Variants in FAM149B1 observed in about 807,000 individuals in gnomAD.
The protein encoded by FAM149B1 is family with sequence similarity 149 member B1.
FAM149B1 carries 56 observed loss-of-function variants against 75.3 expected under a neutral mutation model. The ratio of observed to expected loss-of-function variants is 0.74; its 90% CI spans 0.60 to 0.93. The LOEUF is 0.93. Ranked by LOEUF, FAM149B1 falls within the 40% of genes least tolerant of loss-of-function variation. FAM149B1 has a pLI of 0.00. For synonymous variants in FAM149B1, 259 were observed against 256.1 expected (o/e 1.01, Z -0.11); for missense variants, 639 against 708.4 (o/e 0.90, Z 1.11).
In FAM149B1 at chr10:73,168,318, G is replaced by A. The variant is rs955486699; in HGVS notation, c.-22G>A. 2.6e-6 allele frequency: 4 copies of A among 1,546,976 alleles called. No individual in the cohort carries two copies. The African/African-American group carries it at 4.1e-5, about 16-fold the overall frequency. ...TGCCCCGGCCGCGGCTGAGGAGGAG[G>A]AGGAGGAGGAGGAGGAGGAGGATGA... On this transcript the variant is annotated 5_prime_UTR_variant, in exon 1 of 14. Coordinates refer to ENST00000242505, the MANE Select transcript of FAM149B1 (RefSeq NM_173348.2).
At chr10:73,168,643 C>A (rs964040247) in intron 1 of FAM149B1, among the ~76,000 whole-genome samples, 1 of 152,222 alleles carries the variant, frequency 6.6e-6, no homozygotes, top group Admixed American at 6.5e-5. Context: ...TGCTTCAGGT[C>A]CCATTGTTAA....
At chr10:73,235,909 A>T (rs953717595) in intron 12 of FAM149B1, among the ~76,000 whole-genome samples, 1 of 152,158 alleles carries the variant, frequency 6.6e-6, no homozygotes, top group Admixed American at 6.5e-5. Context: ...AGCCCTTTTA[A>T]GTAATAGAAA....
chr10:73,185,785 A>C (rs2042507964), intron 3 of FAM149B1, among the ~76,000 whole-genome samples: 2 of 152,208 alleles, frequency 1.3e-5, no homozygotes, highest in Non-Finnish European at 2.9e-5. Context: ...AAAGAAAAGA[A>C]AAAAATTAGA....
chr10:73,169,287 C>T (rs1176537535), intron 1 of FAM149B1, among the ~76,000 whole-genome samples: 1 of 151,890 alleles, frequency 6.6e-6, no homozygotes, highest in South Asian at 2.1e-4. Context: ...GTCACGCCAT[C>T]GCACTCCAGT....
chr10:73,186,683 T>C (rs957631167), intron 3 of FAM149B1, among the ~76,000 whole-genome samples: 6 of 152,230 alleles, frequency 3.9e-5, no homozygotes, highest in African/African-American at 1.4e-4. Flanking sequence ...TTTCATACAA[T>C]GCGATTATTA....
rs11334763 is a variant in FAM149B1 at position 73,172,940 on chromosome 10, C to CA, written c.48-1733dup. Among the ~76,000 whole-genome samples the CA allele has an allele frequency of 2.7e-3, 319 of 117,478 alleles. 1 individual carries two copies. The highest frequency in any genetic ancestry group is 4.6e-3 in the Middle Eastern group (1 of 218). 77.1% of individuals were successfully genotyped at this position (117,478 alleles called of 152,430 possible). A position where few individuals can be genotyped will look rare whatever the true frequency, so the allele number is the denominator to read the frequency against. On this transcript the variant is annotated intron_variant, in intron 1 of 13. Coordinates refer to ENST00000242505, the MANE Select transcript of FAM149B1 (RefSeq NM_173348.2). ...CAACATAACAAGATCCCAATCTCTA[C>CA]AAAAAAAAAAAAAATTAAAGATTAA...
At chr10:73,200,542 A>C (rs1292424642) in intron 5 of FAM149B1, 2 of 727,466 alleles carry the variant, frequency 2.7e-6, no homozygotes, top group Non-Finnish European at 4.6e-6. Flanking sequence ...AATGGATCAA[A>C]ATGTTTGTTT....
intron 7 of FAM149B1, among the ~76,000 whole-genome samples, chr10:73,220,274 G>A (rs906136659): frequency 6.6e-6 from 1 of 151,978 alleles, no homozygotes; most frequent in Non-Finnish European, 1.5e-5. Flanking sequence ...AAAATAACAA[G>A]TGTTAGTAAA....
intron 3 of FAM149B1, among the ~76,000 whole-genome samples, chr10:73,180,360 G>C (rs1302336902): frequency 6.6e-6 from 1 of 152,154 alleles, no homozygotes. Flanking sequence ...AAAACCAGGG[G>C]GAGAAAAGCA....
chr10:73,194,663 TTTTTTTTTTCTTTTTTC>T (rs1285440176), intron 5 of FAM149B1, among the ~76,000 whole-genome samples: 1 of 96,536 alleles, frequency 1.0e-5, no homozygotes, highest in African/African-American at 1.0e-4. Flanking sequence ...GCACCCAGAC[TTTTTTTTTTCTTTTTTC>T]TTTTTTTTTC....
In FAM149B1 at chr10:73,192,662, A is replaced by G. The variant is rs1564689841; in HGVS notation, c.389A>G (p.Glu130Gly). 6.5e-7 allele frequency: 1 copy of G among 1,550,010 alleles called. No homozygotes were observed. Among genetic ancestry groups the G allele is most frequent in the East Asian group, 2.5e-5 (1 of 40,780 alleles). Reference protein sequence around the residue: ...LSVHTKSLQEECQQWTASFPH... With the variant: ...LSVHTKSLQEGCQQWTASFPH... ...GTGCATACCAAGAGTCTACAAGAAG[A>G]GTGCCAACAGTGGACAGCTAGCTTT... The change falls in exon 4 of 14, where the codon GAG (glutamate) becomes GGG (glycine). Residue 130 changes from glutamate to glycine, a missense_variant. Physicochemically the swap from Glu to Gly is moderately conservative, Grantham distance 98. Transcript: ENST00000242505.
chr10:73,235,582 T>C, intron 12 of FAM149B1: 2 of 575,878 alleles, frequency 3.5e-6, no homozygotes, highest in Non-Finnish European at 5.5e-6. Context: ...GCAAGAATAT[T>C]AAATCCCAGT....
At chr10:73,233,305 G>T (rs1229228849) in intron 10 of FAM149B1, 142 bp downstream of exon 10, 1 of 639,370 alleles carries the variant, frequency 1.6e-6, no homozygotes, top group Non-Finnish European at 2.7e-6. Flanking sequence ...CATGGGTTTA[G>T]ATCCAACACA....
At position 73,240,936 on chromosome 10, in the gene FAM149B1, C is replaced by T. The variant is rs908322648; in HGVS notation, c.1676-10C>T. The T allele has an allele frequency of 3.3e-6, 5 of 1,497,560 alleles. No individual in the cohort carries two copies. The African/African-American group carries it at 7.2e-5, about 22-fold the overall frequency. 92.8% of individuals were successfully genotyped at this position (1,497,560 alleles called of 1,614,324 possible). A position where few individuals can be genotyped will look rare whatever the true frequency, so the allele number is the denominator to read the frequency against. ...ACTGTCTACTAATGTTACTCTATGT[C>T]ATCTGACAGGTCCTCAGTTACATGG... On this transcript the variant is annotated splice_polypyrimidine_tract_variant and intron_variant, in intron 13 of 13. Transcript: ENST00000242505.
intron 3 of FAM149B1, among the ~76,000 whole-genome samples, chr10:73,189,769 A>G (rs2042635811): frequency 6.6e-6 from 1 of 152,238 alleles, no homozygotes; most frequent in Admixed American, 6.5e-5. Flanking sequence ...AATGTTTTAT[A>G]TCTGGAAAGG....
At chr10:73,213,806 T>G (rs1249568132) in intron 7 of FAM149B1, among the ~76,000 whole-genome samples, 2 of 152,214 alleles carry the variant, frequency 1.3e-5, no homozygotes, top group African/African-American at 4.8e-5. Flanking sequence ...CTATTTGAGC[T>G]CTTTTTTGGT....
chr10:73,205,647 G>A (rs780218689), intron 5 of FAM149B1, among the ~76,000 whole-genome samples: 6 of 151,984 alleles, frequency 3.9e-5, no homozygotes, highest in East Asian at 1.9e-4. Flanking sequence ...TCCGCCTCCC[G>A]GATTCAAGCA....
At chr10:73,189,401 T>C (rs184955111) in intron 3 of FAM149B1, among the ~76,000 whole-genome samples, 2 of 152,194 alleles carry the variant, frequency 1.3e-5, no homozygotes, top group Non-Finnish European at 1.5e-5. Flanking sequence ...CCAAGAAAAA[T>C]GAAAACATAT....
At position 73,241,271 on chromosome 10, in the gene FAM149B1, C is replaced by A; in HGVS notation, c.*252C>A. On this transcript the variant is annotated 3_prime_UTR_variant, in exon 14 of 14. Transcript: ENST00000242505. ...CCCATTGGAAAGGCAAGTTTGTACC[C>A]AAAGATGCAACAGTGAATAATACCC... is the stretch of plus-strand genomic sequence containing the variant. 1 of 452,958 alleles carries A rather than the reference C, an allele frequency of 2.2e-6. No homozygotes were observed. Among genetic ancestry groups the A allele is most frequent in the Admixed American group, 3.4e-5 (1 of 29,280 alleles). 28.1% of individuals were successfully genotyped at this position (452,958 alleles called of 1,614,324 possible). A position where few individuals can be genotyped will look rare whatever the true frequency, so the allele number is the denominator to read the frequency against.
Sources: gnomAD v4.1 joint callset for allele counts (sites outside exome capture counted in the v4.1 genomes callset) on GRCh38, gnomAD v4.1.1 for gene constraint, MANE v1.5 for transcripts, NCBI Gene and HGNC (gene_info 2026-07-23, HGNC 2026-07-21) for gene names.